The following DLGAP1 variants were observed in gnomAD, a reference collection of about 807,000 sequenced individuals.
DLGAP1 encodes disks large-associated protein 1.
DLGAP1 carries 11 observed loss-of-function variants against 90.8 expected under a neutral mutation model. That is an observed-to-expected ratio of 0.12 (90% confidence interval 0.08 to 0.20). DLGAP1 has a LOEUF of 0.20. Among genes scored for constraint, DLGAP1 ranks in the 10% least tolerant of loss-of-function variants. The pLI is 1.00. For synonymous variants in DLGAP1, 558 were observed against 540.7 expected (o/e 1.03, Z -0.44); for missense variants, 1,050 against 1,333.8 (o/e 0.79, Z 3.31).
chr18:3,686,788 C>T (rs1343500513), intron 7 of DLGAP1, among the ~76,000 whole-genome samples: 1 of 152,190 alleles, frequency 6.6e-6, no homozygotes, highest in Admixed American at 6.5e-5. Flanking sequence ...GTCAGAGGCT[C>T]TGTGGGAGGC....
chr18:3,959,640 G>C (rs577522699), intron 3 of DLGAP1, among the ~76,000 whole-genome samples: 21 of 144,266 alleles, frequency 1.5e-4, no homozygotes, highest in African/African-American at 5.6e-4. Context: ...CTCCAGCCTG[G>C]GTGACAGAGC....
intron 11 of DLGAP1, among the ~76,000 whole-genome samples, chr18:3,503,070 A>C (rs1181068519): frequency 2.0e-5 from 3 of 152,226 alleles, no homozygotes; most frequent in East Asian, 1.9e-4. Flanking sequence ...ACAGATAAGG[A>C]ATCTAAAATA....
At chr18:3,609,151 C>A (rs2057471123) in intron 7 of DLGAP1, among the ~76,000 whole-genome samples, 1 of 150,958 alleles carries the variant, frequency 6.6e-6, no homozygotes, top group African/African-American at 2.4e-5. Context: ...CTCTCCCTTG[C>A]AGTGTCCTCA....
chr18:4,078,424 G>C (rs2075555940), intron 2 of DLGAP1, among the ~76,000 whole-genome samples: 1 of 152,264 alleles, frequency 6.6e-6, no homozygotes, highest in East Asian at 1.9e-4. Context: ...AGCACACAGA[G>C]AATCTCCGGC....
Position 3,729,230 on chromosome 18 carries a change from T to A in DLGAP1, c.1496A>T (p.Glu499Val), listed in dbSNP as rs764932296. 1 of 1,613,918 alleles carries A rather than the reference T, an allele frequency of 6.2e-7. No homozygotes were observed. The highest frequency in any genetic ancestry group is 8.5e-7 in the Non-Finnish European group (1 of 1,179,914). ...MRSHSYVRAI[E>V]KGCSQDDECV... Reference sequence around the variant, plus strand: ...CTCGTCGTCCTGGGAGCAGCCTTTCTCAATGGCCCGCACATAGCTGTGGCT... The same window carrying A: ...CTCGTCGTCCTGGGAGCAGCCTTTCACAATGGCCCGCACATAGCTGTGGCT... The change falls in exon 7 of 13, where the codon GAG (glutamate) becomes GTG (valine). Residue 499 changes from glutamate to valine, a missense_variant. Around this residue, in one of 2 missense-constraint regions of DLGAP1, gnomAD observed 565 missense variants for 879.7 expected, o/e 0.64. Coordinates refer to ENST00000315677, the MANE Select transcript of DLGAP1 (RefSeq NM_004746.4). The surrounding 1 kb of genome is among the most constrained non-coding windows in gnomAD (Gnocchi z 6.2).
At chr18:3,542,276 T>C (rs966489917) in intron 9 of DLGAP1, among the ~76,000 whole-genome samples, 5 of 152,198 alleles carry the variant, frequency 3.3e-5, no homozygotes, top group African/African-American at 1.2e-4. Flanking sequence ...TGGCTTTCCC[T>C]TTAGGTATAC....
chr18:3,706,710 G>A (rs1278218883), intron 7 of DLGAP1, among the ~76,000 whole-genome samples: 1 of 152,144 alleles, frequency 6.6e-6, no homozygotes, highest in East Asian at 1.9e-4. Flanking sequence ...TGGATGCAGA[G>A]AGAAACTGAA....
At chr18:4,307,912 C>T (rs780967566) in intron 1 of DLGAP1, among the ~76,000 whole-genome samples, 3 of 151,942 alleles carry the variant, frequency 2.0e-5, no homozygotes, top group Non-Finnish European at 2.9e-5. Flanking sequence ...GATGGGGTTT[C>T]GCTACATTGG....
chr18:3,867,953 T>C (rs1035925226), intron 4 of DLGAP1, among the ~76,000 whole-genome samples: 3 of 152,156 alleles, frequency 2.0e-5, no homozygotes, highest in Non-Finnish European at 4.4e-5. Flanking sequence ...ATGGCAAAGC[T>C]ACCTACACGA....
At chr18:3,771,331 T>A (rs2064526660) in intron 5 of DLGAP1, 1 of 152,366 alleles carries the variant, frequency 6.6e-6, no homozygotes, top group African/African-American at 2.4e-5. Context: ...TTGGGCTTTG[T>A]GTCTATTCTA....
At chr18:4,013,513 A>C (rs2074466482) in intron 2 of DLGAP1, 1 of 152,238 alleles carries the variant, frequency 6.6e-6, no homozygotes, top group Admixed American at 6.5e-5. Context: ...CAATGTAGGC[A>C]GTTGTCAGAG....
intron 7 of DLGAP1, among the ~76,000 whole-genome samples, chr18:3,584,278 A>G (rs1017602490): frequency 1.9e-5 from 2 of 103,990 alleles, no homozygotes; most frequent in African/African-American, 7.5e-5. Flanking sequence ...CAGCCCACCC[A>G]CTCTCACAGG....
At chr18:4,216,208 C>T (rs6506195) in intron 1 of DLGAP1, among the ~76,000 whole-genome samples, 20,231 of 151,808 alleles carry the variant, frequency 0.13, 1,437 homozygotes, top group African/African-American at 0.17. Flanking sequence ...GGAGAAAAGC[C>T]CCTTAGAAGA....
chr18:3,907,904 A>G (rs1241421383), intron 3 of DLGAP1, among the ~76,000 whole-genome samples: 1 of 152,198 alleles, frequency 6.6e-6, no homozygotes, highest in African/African-American at 2.4e-5. Flanking sequence ...TTCATCAAAT[A>G]TTTATCTAAA....
At chr18:4,067,767 A>C (rs2075390779) in intron 2 of DLGAP1, among the ~76,000 whole-genome samples, 2 of 152,016 alleles carry the variant, frequency 1.3e-5, no homozygotes, top group Non-Finnish European at 1.5e-5. Context: ...GCCAATTAGA[A>C]AATCTTTGAA....
intron 2 of DLGAP1, among the ~76,000 whole-genome samples, chr18:4,010,481 A>G (rs2074394662): frequency 6.6e-6 from 1 of 152,122 alleles, no homozygotes; most frequent in South Asian, 2.1e-4. Flanking sequence ...CTAAGAGGTC[A>G]AGGCTGCAGT....
intron 3 of DLGAP1, among the ~76,000 whole-genome samples, chr18:3,976,969 T>G (rs1162950561): frequency 1.3e-5 from 2 of 152,230 alleles, no homozygotes; most frequent in Admixed American, 1.3e-4. Context: ...GTTAACAGGT[T>G]TCAATACGAT....
At chr18:3,701,365 G>T (rs1189550864) in intron 7 of DLGAP1, among the ~76,000 whole-genome samples, 1 of 152,166 alleles carries the variant, frequency 6.6e-6, no homozygotes, top group Non-Finnish European at 1.5e-5. Flanking sequence ...CCCTGTGTTG[G>T]GGCCTCCAAA....
At chr18:4,128,065 CTAAG>C (rs2144175574) in intron 2 of DLGAP1, among the ~76,000 whole-genome samples, 1 of 152,268 alleles carries the variant, frequency 6.6e-6, no homozygotes, top group South Asian at 2.1e-4. Flanking sequence ...AATAACAGCA[CTAAG>C]TTCAGTAACA....
Sources: gnomAD v4.1 joint callset for allele counts (sites outside exome capture counted in the v4.1 genomes callset) on GRCh38, gnomAD v4.1.1 for gene constraint, gnomAD v4.1.1 regional missense constraint, Gnocchi (gnomAD v3.1) non-coding constraint, MANE v1.5 for transcripts, NCBI Gene and HGNC (gene_info 2026-07-23, HGNC 2026-07-21) for gene names.